Variants in FANCB observed in about 807,000 individuals in gnomAD.
FANCB encodes Fanconi anemia group B protein.
In FANCB, 5 loss-of-function variants were observed where a neutral mutation model predicts 38.9. That is an observed-to-expected ratio of 0.13 (90% CI 0.07 to 0.27). The LOEUF is 0.27. FANCB is among the 10% of genes least tolerant of loss of function. The pLI is 1.00. For missense variants in FANCB, 573 were observed against 602.7 expected (o/e 0.95, Z 0.52); for synonymous variants, 236 against 215.4 (o/e 1.10, Z -0.84).
chrX:14,848,486 T>C (rs1471868188), intron 7 of FANCB, among the ~76,000 whole-genome samples: 2 of 111,886 alleles, frequency 1.8e-5, no homozygotes, highest in African/African-American at 6.5e-5. Context: ...TAGGCCTCTT[T>C]AGGGTTAAGG....
intron 3 of FANCB, among the ~76,000 whole-genome samples, chrX:14,861,884 C>G (rs1220547593): frequency 1.8e-5 from 2 of 110,303 alleles, no homozygotes; most frequent in Non-Finnish European, 3.8e-5. Context: ...CTTGCTCTGT[C>G]AACCAGCTGG....
chrX:14,863,086 A>G (rs141777937), intron 3 of FANCB, among the ~76,000 whole-genome samples: 1,582 of 112,424 alleles, frequency 0.014, 25 homozygotes, highest in African/African-American at 0.042. Context: ...ATTATAGAGG[A>G]TACATACGTA....
At chrX:14,863,602 G>T (rs1304686483) in intron 3 of FANCB, among the ~76,000 whole-genome samples, 1 of 112,012 alleles carries the variant, frequency 8.9e-6, no homozygotes, top group Non-Finnish European at 1.9e-5. Context: ...CTCAATACCA[G>T]TGAATATTTT....
At chrX:14,703,173 G>A in the FANCB span, among the ~76,000 whole-genome samples, 1 of 111,860 alleles carries the variant, frequency 8.9e-6, no homozygotes, top group Admixed American at 9.4e-5. Flanking sequence ...GTGCCAGCAA[G>A]CTTTGGAGAT....
the FANCB span, among the ~76,000 whole-genome samples, chrX:14,695,505 C>T: frequency 1.8e-5 from 2 of 112,134 alleles, no homozygotes; most frequent in African/African-American, 6.5e-5. Flanking sequence ...ATGGAGACAA[C>T]TATTTCACCC....
the FANCB span, among the ~76,000 whole-genome samples, chrX:14,761,556 T>G: frequency 1.8e-5 from 2 of 110,924 alleles, no homozygotes; most frequent in Admixed American, 1.9e-4. Context: ...ATAACGCTGG[T>G]AGAAGTAGAT....
chrX:14,778,369 C>T, the FANCB span, among the ~76,000 whole-genome samples: 1 of 111,996 alleles, frequency 8.9e-6, no homozygotes, highest in Non-Finnish European at 1.9e-5. Context: ...ACAGGACAGC[C>T]ATTCATGATA....
the FANCB span, among the ~76,000 whole-genome samples, chrX:14,703,633 C>T: frequency 5.4e-5 from 6 of 111,689 alleles, no homozygotes; most frequent in African/African-American, 2.0e-4. Flanking sequence ...CAATGGTTTC[C>T]ACTGCAACTC....
chrX:14,871,328 G>C (rs2092495445), intron 1 of FANCB, among the ~76,000 whole-genome samples: 1 of 111,261 alleles, frequency 9.0e-6, no homozygotes, highest in African/African-American at 3.3e-5. Context: ...GATCAGACTG[G>C]AAAAAGAGCT....
the FANCB span, among the ~76,000 whole-genome samples, chrX:14,712,909 G>A: frequency 8.9e-6 from 1 of 111,918 alleles, no homozygotes; most frequent in Non-Finnish European, 1.9e-5. Context: ...CTTCCTTTCT[G>A]CTTTCCAGAT....
chrX:14,745,269 C>T, the FANCB span, among the ~76,000 whole-genome samples: 1 of 111,719 alleles, frequency 9.0e-6, no homozygotes, highest in African/African-American at 3.3e-5. Context: ...GTTTGGGCTC[C>T]ACTGACACAG....
the FANCB span, among the ~76,000 whole-genome samples, chrX:14,772,020 C>T: frequency 1.8e-5 from 2 of 110,033 alleles, no homozygotes; most frequent in African/African-American, 6.6e-5. Flanking sequence ...GTTGCTGGCC[C>T]CCACATACCT....
At chrX:14,849,478 C>T (rs1235167069) in intron 7 of FANCB, among the ~76,000 whole-genome samples, 1 of 111,752 alleles carries the variant, frequency 8.9e-6, no homozygotes, top group African/African-American at 3.3e-5. Context: ...TCTGCGTACC[C>T]GTGGTTCAAA....
the FANCB span, among the ~76,000 whole-genome samples, chrX:14,801,892 C>T: frequency 2.7e-5 from 3 of 111,009 alleles, no homozygotes; most frequent in Non-Finnish European, 5.7e-5. Flanking sequence ...CCCGAGAAAA[C>T]ATAAACAAAT....
downstream of FANCB, among the ~76,000 whole-genome samples, chrX:14,840,422 A>G (rs1028982245): frequency 9.0e-6 from 1 of 111,487 alleles, no homozygotes; most frequent in African/African-American, 3.3e-5. Context: ...CCAGACCAAT[A>G]ACAGCTGCCA....
At chrX:14,833,689 C>T (rs1182617627), downstream of FANCB, among the ~76,000 whole-genome samples, 2 of 107,676 alleles carry the variant, frequency 1.9e-5, no homozygotes, top group Non-Finnish European at 3.9e-5. Flanking sequence ...GGGGTTCACA[C>T]CTGCAATCTC....
downstream of FANCB, among the ~76,000 whole-genome samples, chrX:14,842,111 T>G (rs947512758): frequency 8.0e-5 from 9 of 112,039 alleles, no homozygotes; most frequent in Non-Finnish European, 1.3e-4. Flanking sequence ...ATGACACATA[T>G]TCTTTCCAGA....
At chrX:14,790,967 G>A in the FANCB span, among the ~76,000 whole-genome samples, 37 of 110,618 alleles carry the variant, frequency 3.3e-4, no homozygotes, top group African/African-American at 1.2e-3. Flanking sequence ...AGGAGAAGAG[G>A]CTAGTACATT....
chrX:14,833,681 G>GGGGC (rs10541539), downstream of FANCB, among the ~76,000 whole-genome samples: 1 of 106,616 alleles, frequency 9.4e-6, no homozygotes, highest in Non-Finnish European at 1.9e-5. Context: ...GTGTGGGGGG[G>GGGGC]GTTCACACCT....
Sources: allele counts gnomAD v4.1 joint callset (sites outside exome capture counted in the v4.1 genomes callset), GRCh38; gene constraint gnomAD v4.1.1; transcripts MANE v1.5; gene names NCBI Gene and HGNC (gene_info 2026-07-23, HGNC 2026-07-21).